SNAP47: variants seen among roughly 807,000 people sequenced by gnomAD.
SNAP47 encodes synaptosomal-associated protein 47.
Under a neutral mutation model 31.4 loss-of-function variants are expected in SNAP47, and 20 were observed. That is an observed-to-expected ratio of 0.64 (90% confidence interval 0.45 to 0.93). The LOEUF (loss-of-function observed/expected upper bound fraction) is 0.93, where lower values mean the gene tolerates loss of function less well. SNAP47 is among the 40% of genes least tolerant of loss of function. The pLI is 0.00. For synonymous variants in SNAP47, 194 were observed against 213.4 expected (o/e 0.91, Z 0.79); for missense variants, 492 against 528.5 (o/e 0.93, Z 0.68).
chr1:227,768,424 C>T (rs750546250), intron 4 of SNAP47: 3 of 670,406 alleles, frequency 4.5e-6, no homozygotes, highest in Non-Finnish European at 5.5e-6. Flanking sequence ...TTGTGGATGG[C>T]TCTGCCCATG....
At chr1:227,734,069 T>C, upstream of SNAP47, 1 of 1,598,308 alleles carries the variant, frequency 6.3e-7, no homozygotes, top group East Asian at 2.2e-5. Context: ...CGACAGCACG[T>C]GAGGCACGAG....
chr1:227,767,071 G>A lies in SNAP47; in HGVS notation c.1101G>A (p.Gln367=), dbSNP rs1663460052. 1 of 1,613,982 alleles carries A rather than the reference G, an allele frequency of 6.2e-7. No individual in the cohort carries two copies. Among genetic ancestry groups the A allele is most frequent in the African/African-American group, 1.3e-5 (1 of 74,942 alleles). The stretch of plus-strand genomic sequence containing the variant: ...CAGCCCTTTCTGAGGCAGATACCCA[G>A]GAACTAACCCAGGTAAGATGTCCCC... ...SLPALSEADT[Q]ELTQILRRMK... is the part of the protein sequence containing the mutation. Residue 367 remains glutamine, a synonymous_variant, in exon 4 of 5, where the codon CAG becomes CAA. Coordinates refer to ENST00000617596, the MANE Select transcript of SNAP47 (RefSeq NM_053052.4).
At chr1:227,735,429 G>C (rs780148429), upstream of SNAP47, 3 of 1,532,138 alleles carry the variant, frequency 2.0e-6, no homozygotes, top group Non-Finnish European at 2.6e-6. Context: ...GCTCGCCGCG[G>C]TCTTCACTGC....
intron 2 of SNAP47, among the ~76,000 whole-genome samples, chr1:227,756,398 A>G (rs1467482734): frequency 6.6e-6 from 1 of 152,106 alleles, no homozygotes; most frequent in Non-Finnish European, 1.5e-5. Context: ...TATGAGTATG[A>G]TTTTTCTTCT....
intron 1 of SNAP47, chr1:227,745,782 C>G (rs564075055): frequency 2.6e-5 from 4 of 152,358 alleles, no homozygotes; most frequent in African/African-American, 9.6e-5. Flanking sequence ...TACCTCTGCC[C>G]CCAGAGGAGA....
intron 2 of SNAP47, among the ~76,000 whole-genome samples, chr1:227,753,988 T>C (rs893605000): frequency 2.6e-5 from 4 of 152,198 alleles, no homozygotes; most frequent in African/African-American, 9.6e-5. Flanking sequence ...CTCTCTACCC[T>C]GTTGCAAGGA....
chr1:227,728,240 C>G (rs897311697), upstream of SNAP47, among the ~76,000 whole-genome samples: 1 of 152,180 alleles, frequency 6.6e-6, no homozygotes, highest in African/African-American at 2.4e-5. Flanking sequence ...CCTGCACCTG[C>G]AGGGTTCGCT....
upstream of SNAP47, chr1:227,732,347 G>T (rs374922589): frequency 1.3e-6 from 2 of 1,598,806 alleles, no homozygotes; most frequent in East Asian, 4.5e-5. Context: ...CCCGGAGCAG[G>T]AGGCTGCCTC....
chr1:227,752,024 CA>C (rs766091640), intron 2 of SNAP47, among the ~76,000 whole-genome samples: 2 of 152,116 alleles, frequency 1.3e-5, no homozygotes, highest in Non-Finnish European at 2.9e-5. Context: ...CTCAGCCTCC[CA>C]AAGTGCTGGG....
upstream of SNAP47, chr1:227,730,534 C>G (rs1327564803): frequency 6.6e-6 from 1 of 151,966 alleles, no homozygotes; most frequent in Non-Finnish European, 1.5e-5. Context: ...GTGGAGGGCT[C>G]TATCTCCCCC....
intron 4 of SNAP47, chr1:227,768,156 A>C: frequency 2.2e-6 from 1 of 451,854 alleles, no homozygotes; most frequent in Non-Finnish European, 2.9e-6. Context: ...CAGTGCTCCC[A>C]CCTTCTGAGC....
intron 1 of SNAP47, 114 bp from the exon 2 acceptor site, chr1:227,747,578 A>G (rs1403958543): frequency 1.9e-6 from 2 of 1,060,426 alleles, no homozygotes; most frequent in African/African-American, 1.6e-5. Flanking sequence ...AGAGTCAGCC[A>G]CGTGCTGCAG....
chr1:227,732,286 CAG>C (rs1323182994), upstream of SNAP47: 9 of 1,351,296 alleles, frequency 6.7e-6, no homozygotes, highest in African/African-American at 1.3e-4. Context: ...CAAGCCTCGA[CAG>C]GGGTGGGCCC....
intron 2 of SNAP47, among the ~76,000 whole-genome samples, chr1:227,754,792 A>C (rs943096244): frequency 6.6e-6 from 1 of 152,218 alleles, no homozygotes; most frequent in Non-Finnish European, 1.5e-5. Context: ...TGAGAGGACT[A>C]AAACCAGGAC....
intron 1 of SNAP47, chr1:227,746,379 G>A (rs1358948224): frequency 1.3e-5 from 2 of 152,260 alleles, no homozygotes; most frequent in Admixed American, 6.5e-5. Context: ...TGTGGTCTGC[G>A]TGTGACGACA....
chr1:227,751,297 G>A lies in SNAP47; in HGVS notation c.497+3064G>A, dbSNP rs545813987. 1.1e-4 allele frequency among the ~76,000 whole-genome samples: 16 copies of A among 152,284 alleles called. No homozygotes were observed. The East Asian group carries it at 2.3e-3, about 22-fold the overall frequency. ...TCCCAGAGGTAGCCTGCCACCCTGC[G>A]CCAGCCCCACCACCTGTCCCACTAC... On this transcript the variant is annotated intron_variant, in intron 2 of 4. Transcript: ENST00000617596.
chr1:227,759,103 A>G lies in SNAP47; in HGVS notation c.606A>G (p.Glu202=), dbSNP rs1374663808. The change falls in exon 3 of 5, where the codon GAA becomes GAG. Residue 202 remains glutamate, a synonymous_variant. Coordinates refer to ENST00000617596, the MANE Select transcript of SNAP47 (RefSeq NM_053052.4). ...PREDVSMTSC[E]PFGKEGILIK... is the part of the protein sequence containing the mutation. ...AAGATGTCTCCATGACCAGTTGTGAACCCTTTGGGAAAGAAGGGATACTGA... is the reference window on the plus strand; with the variant it reads ...AAGATGTCTCCATGACCAGTTGTGAGCCCTTTGGGAAAGAAGGGATACTGA... 1 of 1,614,040 alleles carries G rather than the reference A, an allele frequency of 6.2e-7. No individual in the cohort carries two copies. Among genetic ancestry groups the G allele is most frequent in the East Asian group, 2.2e-5 (1 of 44,888 alleles).
chr1:227,736,508 T>TTG (rs1661184467), intron 1 of SNAP47: 1 of 72,914 alleles, frequency 1.4e-5, no homozygotes, highest in African/African-American at 6.7e-5. Flanking sequence ...AGCAGTTTTT[T>TTG]TTTTTTTTTT....
chr1:227,771,339 C>T (rs1663790608), intron 4 of SNAP47, among the ~76,000 whole-genome samples: 1 of 152,160 alleles, frequency 6.6e-6, no homozygotes, highest in Non-Finnish European at 1.5e-5. Flanking sequence ...ACTATGAGTT[C>T]CTATTACTCA....
Sources: gnomAD v4.1 joint callset for allele counts (sites outside exome capture counted in the v4.1 genomes callset) on GRCh38, gnomAD v4.1.1 for gene constraint, MANE v1.5 for transcripts, NCBI Gene and HGNC (gene_info 2026-07-23, HGNC 2026-07-21) for gene names.